Variants in MYO5B observed in about 807,000 individuals in gnomAD.
MYO5B encodes unconventional myosin-Vb.
In MYO5B, 143 loss-of-function variants were observed where a neutral mutation model predicts 229.3. That is an observed-to-expected ratio of 0.62 (90% CI 0.54 to 0.72). The LOEUF is 0.72. MYO5B is among the 30% of genes least tolerant of loss of function. The pLI is 0.00. For missense variants in MYO5B, 2,321 were observed against 2,331.0 expected, an observed-to-expected ratio of 1.00 and a Z score of 0.09; for synonymous variants, 918 against 885.2, an observed-to-expected ratio of 1.04 and a Z score of -0.66.
chr18:50,012,064 TGCTCGTGGAGCTTAGG>T (rs1309443939), intron 4 of MYO5B, among the ~76,000 whole-genome samples: 194 of 152,304 alleles, frequency 1.3e-3, no homozygotes, highest in African/African-American at 4.5e-3. Flanking sequence ...CATTAAGAAG[TGCTCGTGGAGCTTAGG>T]AAACTACTTC....
chr18:50,147,456 G>A (rs2032522919), intron 1 of MYO5B, among the ~76,000 whole-genome samples: 1 of 152,094 alleles, frequency 6.6e-6, no homozygotes, highest in South Asian at 2.1e-4. Flanking sequence ...GCCGCCACAG[G>A]GTACATGGAT....
chr18:49,863,097 G>T, intron 29 of MYO5B, 130 bp downstream of exon 29: 1 of 758,008 alleles, frequency 1.3e-6, no homozygotes, highest in Non-Finnish European at 2.3e-6. Context: ...CAGTCTTTCT[G>T]TGTCCTCTAA....
intron 10 of MYO5B, among the ~76,000 whole-genome samples, chr18:49,965,807 G>A (rs545413710): frequency 1.3e-5 from 2 of 152,238 alleles, no homozygotes; most frequent in South Asian, 2.1e-4. Context: ...GAGGTGGAAG[G>A]GCTGTGAATA....
chr18:49,902,340 T>C (rs988131324), intron 21 of MYO5B, among the ~76,000 whole-genome samples: 1 of 152,232 alleles, frequency 6.6e-6, no homozygotes, highest in Non-Finnish European at 1.5e-5. Context: ...CTTCCCATCC[T>C]ACAGTTCTTA....
chr18:50,045,730 G>T (rs1299502044), intron 2 of MYO5B, among the ~76,000 whole-genome samples: 1 of 152,048 alleles, frequency 6.6e-6, no homozygotes, highest in Non-Finnish European at 1.5e-5. Context: ...ACATTTTAAG[G>T]GTCCAATAAC....
intron 1 of MYO5B, among the ~76,000 whole-genome samples, chr18:50,175,143 T>C (rs999289719): frequency 1.3e-5 from 2 of 152,258 alleles, no homozygotes; most frequent in African/African-American, 4.8e-5. Flanking sequence ...CATTCTTCTA[T>C]GGTTGACCCA....
chr18:50,008,340 C>G (rs547401991), intron 4 of MYO5B, among the ~76,000 whole-genome samples: 1 of 152,320 alleles, frequency 6.6e-6, no homozygotes, highest in Admixed American at 6.5e-5. Context: ...GATGGTCAAT[C>G]TCACATACAA....
Position 49,981,696 on chromosome 18 carries a change from T to C in MYO5B, c.947-1143A>G, listed in dbSNP as rs144222895. On this transcript the variant is annotated intron_variant, in intron 8 of 39. Coordinates refer to ENST00000285039, the MANE Select transcript of MYO5B (RefSeq NM_001080467.3). ...AGCAGGTGCTCAGAAACCTGAATGGTAGAATGACCGGATCGCTGGCTACTA... is the reference window on the plus strand; with the variant it reads ...AGCAGGTGCTCAGAAACCTGAATGGCAGAATGACCGGATCGCTGGCTACTA... Among the ~76,000 whole-genome samples the C allele has an allele frequency of 3.9e-3, 599 of 152,308 alleles. 2 individuals carry two copies. The highest frequency in any genetic ancestry group is 0.01 in the Middle Eastern group (3 of 294).
chr18:50,194,712 TGGCCCCGAGCGCGCCACCCC>T (rs998280891), intron 1 of MYO5B, 35 bp downstream of exon 1: 126 of 1,285,584 alleles, frequency 9.8e-5, no homozygotes, highest in African/African-American at 5.4e-4. Flanking sequence ...GAGTACTAGG[TGGCCCCGAGCGCGCCACCCC>T]GGCCCCGGGG....
At chr18:50,070,448 G>A (rs550878216) in intron 1 of MYO5B, among the ~76,000 whole-genome samples, 12 of 151,976 alleles carry the variant, frequency 7.9e-5, no homozygotes, top group Admixed American at 7.9e-4. Context: ...CAGAGGACAC[G>A]TGGCAATGTC....
intron 5 of MYO5B, among the ~76,000 whole-genome samples, chr18:50,000,149 AAGAG>A (rs2026030279): frequency 6.6e-6 from 1 of 152,196 alleles, no homozygotes; most frequent in Non-Finnish European, 1.5e-5. Context: ...TTGGTAAAGG[AAGAG>A]AGAAAGAGGG....
intron 1 of MYO5B, among the ~76,000 whole-genome samples, chr18:50,079,880 AG>A (rs1484976485): frequency 2.6e-5 from 4 of 152,180 alleles, no homozygotes; most frequent in Non-Finnish European, 4.4e-5. Context: ...CCTAGGGCAG[AG>A]GGGTTTTGTT....
At chr18:50,024,295 T>C (rs2026308235) in intron 4 of MYO5B, among the ~76,000 whole-genome samples, 2 of 152,160 alleles carry the variant, frequency 1.3e-5, no homozygotes, top group African/African-American at 4.8e-5. Context: ...TATATTAACA[T>C]TCTCAGGAAC....
chr18:50,007,081 C>G (rs557439240), intron 4 of MYO5B, among the ~76,000 whole-genome samples: 1 of 152,156 alleles, frequency 6.6e-6, no homozygotes, highest in Admixed American at 6.5e-5. Context: ...CCCGTGGTAT[C>G]CTCCCTCCTC....
intron 1 of MYO5B, among the ~76,000 whole-genome samples, chr18:50,105,329 T>C (rs1237838750): frequency 2.1e-4 from 32 of 152,174 alleles, no homozygotes; most frequent in Admixed American, 2.1e-3. Flanking sequence ...AGGGCTCCCC[T>C]TTATGTTGTT....
chr18:50,074,119 G>A (rs1458877368), intron 1 of MYO5B, among the ~76,000 whole-genome samples: 13 of 152,140 alleles, frequency 8.5e-5, no homozygotes, highest in Non-Finnish European at 2.9e-5. Flanking sequence ...GGCTGGGGAG[G>A]CTCAGAATCA....
At chr18:50,053,416 C>T (rs1291084113) in intron 2 of MYO5B, among the ~76,000 whole-genome samples, 2 of 152,138 alleles carry the variant, frequency 1.3e-5, no homozygotes, top group Non-Finnish European at 2.9e-5. Flanking sequence ...TTCCTCACTA[C>T]CTCCGTGCAA....
At chr18:50,153,953 C>A (rs940449550) in intron 1 of MYO5B, among the ~76,000 whole-genome samples, 1 of 152,164 alleles carries the variant, frequency 6.6e-6, no homozygotes, top group African/African-American at 2.4e-5. Flanking sequence ...AATGGTCTGG[C>A]TGCACATGAT....
intron 1 of MYO5B, among the ~76,000 whole-genome samples, chr18:50,173,700 C>G (rs2032952826): frequency 6.6e-6 from 1 of 152,144 alleles, no homozygotes; most frequent in Admixed American, 6.5e-5. Context: ...GGATCTGGGT[C>G]TTAGGCTGCT....
Sources: allele counts gnomAD v4.1 joint callset (sites outside exome capture counted in the v4.1 genomes callset), GRCh38; gene constraint gnomAD v4.1.1; transcripts MANE v1.5; gene names NCBI Gene and HGNC (gene_info 2026-07-23, HGNC 2026-07-21).